MAP4: variants seen among roughly 807,000 people sequenced by gnomAD.
MAP4 encodes microtubule-associated protein 4.
MAP4 carries 76 observed loss-of-function variants against 170.2 expected under a neutral mutation model. The observed-to-expected ratio is 0.45, with a 90% CI of 0.37 to 0.54. The LOEUF (loss-of-function observed/expected upper bound fraction) is 0.54. Among genes scored for constraint, MAP4 ranks in the 20% least tolerant of loss-of-function variants. MAP4 has a pLI of 0.00. For synonymous variants in MAP4, 909 were observed against 994.5 expected (o/e 0.91, Z 1.62); for missense variants, 2,506 against 2,748.0 (o/e 0.91, Z 1.97).
chr3:47,916,481 T>A lies in MAP4; in HGVS notation c.1346A>T (p.Asp449Val). 6.2e-7 allele frequency: 1 copy of A among 1,614,220 alleles called. No individual in the cohort carries two copies. Among genetic ancestry groups the A allele is most frequent in the Non-Finnish European group, 8.5e-7 (1 of 1,180,044 alleles). The change falls in exon 7 of 21, where the codon GAC becomes GTC. Residue 449 changes from aspartate to valine, a missense_variant. Transcript: ENST00000683076. Reference sequence around the variant, plus strand: ...GTTGGTTTCCGGGGGCAGTGTCATGTCCCTGGCCAGGGCTACCTCTGTTTC... The same window carrying A: ...GTTGGTTTCCGGGGGCAGTGTCATGACCCTGGCCAGGGCTACCTCTGTTTC... ...SSETEVALAR[D>V]MTLPPETNVI...
chr3:47,992,032 C>T (rs1410852934), intron 2 of MAP4, among the ~76,000 whole-genome samples: 1 of 151,558 alleles, frequency 6.6e-6, no homozygotes, highest in Non-Finnish European at 1.5e-5. Flanking sequence ...TGAACCTCAT[C>T]TAAGAACAAA....
chr3:48,003,253 G>A (rs2100100308), intron 1 of MAP4, among the ~76,000 whole-genome samples: 1 of 151,860 alleles, frequency 6.6e-6, no homozygotes, highest in Non-Finnish European at 1.5e-5. Context: ...AGAAGATCGA[G>A]ACCATCCTGG....
At chr3:47,882,851 G>T (rs1427105881) in intron 10 of MAP4, among the ~76,000 whole-genome samples, 2 of 152,026 alleles carry the variant, frequency 1.3e-5, no homozygotes, top group Non-Finnish European at 2.9e-5. Context: ...CTGTCGTCCA[G>T]GTTGGAGTGT....
intron 10 of MAP4, among the ~76,000 whole-genome samples, chr3:47,888,179 A>G (rs982812208): frequency 1.1e-4 from 17 of 152,322 alleles, no homozygotes; most frequent in African/African-American, 3.6e-4. Context: ...AAACGCACCA[A>G]TCAGTGCCCT....
At chr3:48,022,088 A>G (rs1018623326) in intron 1 of MAP4, among the ~76,000 whole-genome samples, 3 of 152,210 alleles carry the variant, frequency 2.0e-5, no homozygotes, top group African/African-American at 7.2e-5. Flanking sequence ...ACACTGCAAA[A>G]TAGTGGGGGA....
At chr3:47,891,364 G>C (rs1454972928) in intron 10 of MAP4, 52 of 1,536,100 alleles carry the variant, frequency 3.4e-5, no homozygotes, top group Non-Finnish European at 4.5e-5. Flanking sequence ...TAGTAGACAA[G>C]ATGGGCAGTT....
At chr3:47,986,803 T>C (rs931499419) in intron 2 of MAP4, among the ~76,000 whole-genome samples, 5 of 152,228 alleles carry the variant, frequency 3.3e-5, no homozygotes, top group Admixed American at 1.3e-4. Context: ...TAATTTTTTA[T>C]GCATATATAT....
chr3:47,861,997 T>C (rs2067082624), intron 17 of MAP4, among the ~76,000 whole-genome samples: 1 of 151,002 alleles, frequency 6.6e-6, no homozygotes, highest in African/African-American at 2.4e-5. Flanking sequence ...CCATCTCTGC[T>C]AAAAATACAA....
chr3:47,906,280 T>C (rs1008235925), intron 9 of MAP4, among the ~76,000 whole-genome samples: 2 of 152,072 alleles, frequency 1.3e-5, no homozygotes, highest in Non-Finnish European at 2.9e-5. Flanking sequence ...AGCCCCTTTT[T>C]ATTACACAGA....
chr3:48,005,704 G>A (rs551897313), intron 1 of MAP4, among the ~76,000 whole-genome samples: 2 of 152,290 alleles, frequency 1.3e-5, no homozygotes, highest in South Asian at 4.1e-4. Context: ...ACTCACTTTA[G>A]ACCTACTCAT....
intron 3 of MAP4, among the ~76,000 whole-genome samples, chr3:47,930,603 TTACAA>T (rs1416385634): frequency 1.3e-5 from 2 of 152,142 alleles, no homozygotes; most frequent in Admixed American, 6.5e-5. Context: ...TTATAATCTC[TTACAA>T]TACAATTATA....
intron 1 of MAP4, among the ~76,000 whole-genome samples, chr3:48,088,593 GC>G (rs1166537283): frequency 1.3e-5 from 2 of 151,074 alleles, no homozygotes; most frequent in African/African-American, 4.9e-5. Flanking sequence ...AAAGCCGCCA[GC>G]CCCCCGCCTG....
chr3:48,021,552 T>C (rs953561144), intron 1 of MAP4, among the ~76,000 whole-genome samples: 4 of 152,204 alleles, frequency 2.6e-5, no homozygotes, highest in Non-Finnish European at 5.9e-5. Context: ...TTCACCATGT[T>C]GGCCAGGCTG....
At chr3:47,898,231 T>C (rs1033568214) in intron 10 of MAP4, among the ~76,000 whole-genome samples, 1 of 152,054 alleles carries the variant, frequency 6.6e-6, no homozygotes, top group Admixed American at 6.6e-5. Context: ...AGGCTGGGCA[T>C]GGTGGCTCAC....
intron 1 of MAP4, among the ~76,000 whole-genome samples, chr3:48,005,428 A>G (rs1259315532): frequency 6.6e-6 from 1 of 152,146 alleles, no homozygotes; most frequent in Non-Finnish European, 1.5e-5. Context: ...GGGAATGGGT[A>G]TTAAGGGTAT....
chr3:47,970,585 G>GGATCACCTGAGGTCAGGA (rs1291193208), intron 3 of MAP4, among the ~76,000 whole-genome samples: 1 of 152,026 alleles, frequency 6.6e-6, no homozygotes, highest in Non-Finnish European at 1.5e-5. Context: ...AGAGGCAGGT[G>GGATCACCTGAGGTCAGGA]GATCACCTGA....
At chr3:47,965,307 G>C (rs1276433580) in intron 3 of MAP4, among the ~76,000 whole-genome samples, 1 of 152,120 alleles carries the variant, frequency 6.6e-6, no homozygotes, top group South Asian at 2.1e-4. Flanking sequence ...GTGTTGATGG[G>C]ACATCTGGGT....
intron 1 of MAP4, among the ~76,000 whole-genome samples, chr3:48,013,052 G>A (rs956523535): frequency 4.6e-5 from 7 of 151,898 alleles, no homozygotes; most frequent in African/African-American, 1.7e-4. Flanking sequence ...TCTGAAACAT[G>A]TATAAGTACA....
chr3:48,042,164 G>A (rs1186399986), intron 1 of MAP4, among the ~76,000 whole-genome samples: 2 of 152,162 alleles, frequency 1.3e-5, no homozygotes, highest in East Asian at 1.9e-4. Context: ...TAAAATAAGC[G>A]GGAGCTTACA....
Sources: allele counts gnomAD v4.1 joint callset (sites outside exome capture counted in the v4.1 genomes callset), GRCh38; gene constraint gnomAD v4.1.1; transcripts MANE v1.5; gene names NCBI Gene and HGNC (gene_info 2026-07-23, HGNC 2026-07-21).